The following SRPK2 variants were observed in gnomAD, a reference collection of about 807,000 sequenced individuals.
The protein encoded by SRPK2 is SFRS protein kinase 2.
SRPK2 carries 21 observed loss-of-function variants against 90.8 expected under a neutral mutation model. The ratio of observed to expected loss-of-function variants is 0.23; its 90% CI spans 0.16 to 0.33. The LOEUF is 0.33. SRPK2 is among the 10% of genes least tolerant of loss of function. The pLI is 1.00. For missense variants in SRPK2, 620 were observed against 869.0 expected (o/e 0.71, Z 3.60); for synonymous variants, 288 against 311.1 (o/e 0.93, Z 0.78).
chr7:105,302,965 T>C (rs1289279646), intron 2 of SRPK2, among the ~76,000 whole-genome samples: 1 of 151,282 alleles, frequency 6.6e-6, no homozygotes, highest in Non-Finnish European at 1.5e-5. Context: ...TCCCAGCTAC[T>C]TGGGAGGCTG....
At chr7:105,277,473 C>T (rs1263800100) in intron 2 of SRPK2, among the ~76,000 whole-genome samples, 3 of 152,164 alleles carry the variant, frequency 2.0e-5, no homozygotes, top group Non-Finnish European at 4.4e-5. Flanking sequence ...TATCTGAAGC[C>T]AAGTATTGAG....
chr7:105,283,126 GAA>G (rs1563189555), intron 2 of SRPK2, among the ~76,000 whole-genome samples: 1 of 152,146 alleles, frequency 6.6e-6, no homozygotes, highest in Non-Finnish European at 1.5e-5. Context: ...GGCTATAATC[GAA>G]AAGACAGATA....
chr7:105,399,229 G>C (rs1822403833), exon 1 of SRPK2: 2 of 152,208 alleles, frequency 1.3e-5, no homozygotes, highest in Admixed American at 1.3e-4. Flanking sequence ...GCAGTCATCT[G>C]AAGGCTTGAC....
At chr7:105,126,174 T>C (rs1387380807) in intron 15 of SRPK2, 74 bp downstream of exon 15, 8 of 1,222,260 alleles carry the variant, frequency 6.5e-6, no homozygotes, top group Non-Finnish European at 9.6e-6. Context: ...TTTGTCACCA[T>C]TAATGCTAAA....
intron 2 of SRPK2, among the ~76,000 whole-genome samples, chr7:105,228,102 T>C (rs192092780): frequency 6.6e-6 from 1 of 152,298 alleles, no homozygotes; most frequent in Non-Finnish European, 1.5e-5. Context: ...ATTGCAGTGA[T>C]GCAATCTTGG....
intron 2 of SRPK2, among the ~76,000 whole-genome samples, chr7:105,367,172 C>T (rs1417224525): frequency 1.3e-5 from 2 of 151,884 alleles, no homozygotes; most frequent in Non-Finnish European, 2.9e-5. Flanking sequence ...CAGGTATGAG[C>T]CACCACACCT....
rs560402880 is a variant in SRPK2 at position 105,388,505 on chromosome 7, CG to C, written c.71+142del. The C allele has an allele frequency of 3.6e-4, 157 of 441,056 alleles. 2 individuals carry two copies. Among genetic ancestry groups the C allele is most frequent in the South Asian group, 1.8e-3 (18 of 9,892 alleles). 27.3% of individuals were successfully genotyped at this position (441,056 alleles called of 1,614,324 possible). On this transcript the variant is annotated intron_variant, in intron 2 of 15. Transcript: ENST00000393651. ...CCGCCCCTCCCCCCGGGCCGCCCGC[CG>C]GGGGCAGGAGCCGAGCGCCAGCGTC...
chr7:105,358,139 G>A (rs867987555), intron 2 of SRPK2, among the ~76,000 whole-genome samples: 1 of 147,156 alleles, frequency 6.8e-6, no homozygotes, highest in Non-Finnish European at 1.5e-5. Flanking sequence ...CAGGAGAATC[G>A]CTTGAACCCG....
At chr7:105,300,110 A>G (rs1810343569) in intron 2 of SRPK2, among the ~76,000 whole-genome samples, 1 of 151,926 alleles carries the variant, frequency 6.6e-6, no homozygotes, top group African/African-American at 2.4e-5. Context: ...ATGTACAGAT[A>G]CAATACATGG....
intron 2 of SRPK2, among the ~76,000 whole-genome samples, chr7:105,299,727 T>C (rs1810292483): frequency 6.6e-6 from 1 of 152,050 alleles, no homozygotes. Flanking sequence ...ATCCCATCTC[T>C]ACCAAAAAAT....
chr7:105,233,140 GAA>G, intron 2 of SRPK2, among the ~76,000 whole-genome samples: 2 of 147,734 alleles, frequency 1.4e-5, no homozygotes, highest in African/African-American at 2.5e-5. Flanking sequence ...AGGAAGGAAG[GAA>G]GGAAGGAAGG....
At chr7:105,285,906 G>A (rs1405265127) in intron 2 of SRPK2, among the ~76,000 whole-genome samples, 4 of 152,160 alleles carry the variant, frequency 2.6e-5, no homozygotes, top group African/African-American at 9.6e-5. Flanking sequence ...TGCAAGAACT[G>A]CCTAATACAA....
Position 105,250,850 on chromosome 7 carries a change from AT to A in SRPK2, c.72-47066del, listed in dbSNP as rs3216267. Reference sequence around the variant, plus strand: ...CTTAACTACTATGATAATCAGCTCCATTTTTTTCACCAGCTGTTAAATCTTT... The same window carrying A: ...CTTAACTACTATGATAATCAGCTCCATTTTTTCACCAGCTGTTAAATCTTT... On this transcript the variant is annotated intron_variant, in intron 2 of 15. Coordinates refer to ENST00000393651, the MANE Select transcript of SRPK2 (RefSeq NM_182692.3). 2.8e-3 allele frequency among the ~76,000 whole-genome samples: 426 copies of A among 152,194 alleles called. 10 individuals are homozygous for A. The East Asian group carries it at 0.054, about 19-fold the overall frequency.
At chr7:105,236,866 AC>A (rs1800206748) in intron 2 of SRPK2, among the ~76,000 whole-genome samples, 1 of 152,152 alleles carries the variant, frequency 6.6e-6, no homozygotes, top group African/African-American at 2.4e-5. Flanking sequence ...ACAATGAACC[AC>A]CTCCACAAAT....
rs774443778 is a variant in SRPK2 at position 105,143,304 on chromosome 7, C to T, written c.840G>A (p.Lys280=). ...KPIGKISKNK[K]KKLKKKQKRQ... The stretch of plus-strand genomic sequence containing the variant: ...TCTTCTGTTTCTTTTTCAGTTTTTT[C>T]TTTTTGTTTTTAGATATTTTTCCTA... The change falls in exon 10 of 16, where the codon AAG becomes AAA. Residue 280 remains lysine (K), a synonymous_variant. Transcript: ENST00000393651. The T allele has an allele frequency of 6.2e-7, 1 of 1,612,518 alleles. No homozygotes were observed. The highest frequency in any genetic ancestry group is 2.2e-5 in the East Asian group (1 of 44,882).
At chr7:105,376,829 CGCCCG>C in intron 2 of SRPK2, among the ~76,000 whole-genome samples, 1 of 118,702 alleles carries the variant, frequency 8.4e-6, no homozygotes, top group African/African-American at 3.2e-5. Context: ...TGAGCCACCA[CGCCCG>C]CCCCCCCACC....
chr7:105,371,630 C>T (rs956536571), intron 2 of SRPK2, among the ~76,000 whole-genome samples: 2 of 148,244 alleles, frequency 1.3e-5, no homozygotes, highest in Non-Finnish European at 1.5e-5. Context: ...GTAGGTAGTG[C>T]ATGCCTGTAG....
At chr7:105,276,991 GCTT>G (rs571681105) in intron 2 of SRPK2, among the ~76,000 whole-genome samples, 2 of 151,952 alleles carry the variant, frequency 1.3e-5, no homozygotes, top group Non-Finnish European at 2.9e-5. Context: ...CCAATTAACT[GCTT>G]CTTCTCTCTA....
chr7:105,366,068 T>C (rs531372986), intron 2 of SRPK2, among the ~76,000 whole-genome samples: 16 of 152,164 alleles, frequency 1.1e-4, no homozygotes, highest in African/African-American at 3.6e-4. Context: ...TTGGACAGGA[T>C]AGTCTTGATC....
Sources: allele counts gnomAD v4.1 joint callset (sites outside exome capture counted in the v4.1 genomes callset), GRCh38; gene constraint gnomAD v4.1.1; transcripts MANE v1.5; gene names NCBI Gene and HGNC (gene_info 2026-07-23, HGNC 2026-07-21).